Variants in RARB observed in about 807,000 individuals in gnomAD.
The protein encoded by RARB is retinoic acid receptor beta, also known as HBV-activated protein.
In RARB, 17 loss-of-function variants were observed where a neutral mutation model predicts 51.9. The ratio of observed to expected loss-of-function variants is 0.33; its 90% CI spans 0.22 to 0.49. The LOEUF is 0.49. Ranked by LOEUF, RARB falls within the 20% of genes least tolerant of loss-of-function variation. The pLI is 0.99. For missense variants in RARB, 369 were observed against 550.8 expected (o/e 0.67, Z 3.30); for synonymous variants, 215 against 195.4 (o/e 1.10, Z -0.84).
At chr3:25,434,531 TTTTTTTTTTTTTTTC>T (rs1708345707) in intron 1 of RARB, among the ~76,000 whole-genome samples, 1 of 24,144 alleles carries the variant, frequency 4.1e-5, no homozygotes, top group East Asian at 1.3e-3. Context: ...TGGTACTCCT[TTTTTTTTTTTTTTTC>T]TTTTTTTTTT....
At chr3:25,219,419 G>C (rs189104573) in intron 5 of RARB, among the ~76,000 whole-genome samples, 1 of 152,144 alleles carries the variant, frequency 6.6e-6, no homozygotes, top group African/African-American at 2.4e-5. Flanking sequence ...GAGTTCCTGC[G>C]CTTGAACCAC....
At chr3:24,987,446 T>G (rs553902292) in intron 2 of RARB, among the ~76,000 whole-genome samples, 1 of 152,348 alleles carries the variant, frequency 6.6e-6, no homozygotes, top group East Asian at 1.9e-4. Flanking sequence ...CCAGAGGGGT[T>G]GGATGAAATC....
intron 2 of RARB, among the ~76,000 whole-genome samples, chr3:24,891,676 A>T (rs1703379870): frequency 1.3e-5 from 2 of 152,162 alleles, no homozygotes; most frequent in Non-Finnish European, 2.9e-5. Context: ...AATCAGCCAA[A>T]CATGAACAGA....
rs114244058 is a variant in RARB at position 24,874,323 on chromosome 3, T to A, written c.-380+15571T>A. 9.3e-3 allele frequency among the ~76,000 whole-genome samples: 1,422 copies of A among 152,240 alleles called. 23 individuals are homozygous for A. Among genetic ancestry groups the A allele is most frequent in the African/African-American group, 0.033 (1,368 of 41,566 alleles). ...TATATACTGTTTTGTGCTAAGAATG[T>A]TGATTAAATCAACCCTATTAATTTT... is the stretch of plus-strand genomic sequence containing the variant. On this transcript the variant is annotated intron_variant, in intron 2 of 11. Transcript: ENST00000383772.
rs192240647 is a variant in RARB at position 25,008,487 on chromosome 3, C to T, written c.-379-51638C>T. Among the ~76,000 whole-genome samples, 94 of 152,162 alleles carry T rather than the reference C, an allele frequency of 6.2e-4. 2 individuals are homozygous for T. The South Asian group carries it at 0.018, about 29-fold the overall frequency. On this transcript the variant is annotated intron_variant, in intron 2 of 11. Coordinates refer to the RARB transcript ENST00000383772. Reference sequence around the variant, plus strand: ...GAAAGTTCTGCCTCTGAGTAGCTACCTTATCCTTTCAGCCTCCCCAAGAGT... The same window carrying T: ...GAAAGTTCTGCCTCTGAGTAGCTACTTTATCCTTTCAGCCTCCCCAAGAGT...
chr3:24,926,047 T>C (rs1305621169), intron 2 of RARB, among the ~76,000 whole-genome samples: 2 of 152,146 alleles, frequency 1.3e-5, no homozygotes, highest in Non-Finnish European at 2.9e-5. Flanking sequence ...GAATTTATTG[T>C]TGATAACTCA....
chr3:25,445,372 T>C (rs1708883383), intron 1 of RARB, among the ~76,000 whole-genome samples: 1 of 152,140 alleles, frequency 6.6e-6, no homozygotes, highest in Admixed American at 6.6e-5. Flanking sequence ...TTCTTCAGAA[T>C]ATCAAAGAGC....
chr3:25,331,823 T>TA (rs1438980893), intron 5 of RARB, among the ~76,000 whole-genome samples: 2 of 151,748 alleles, frequency 1.3e-5, no homozygotes, highest in Non-Finnish European at 2.9e-5. Context: ...ATAGACACAA[T>TA]AAAAAATGAT....
intron 5 of RARB, chr3:25,260,087 T>C: frequency 4.1e-6 from 3 of 739,926 alleles, no homozygotes; most frequent in Non-Finnish European, 4.9e-6. Context: ...AAGGCCCAGA[T>C]GAGTTTCAGC....
intron 2 of RARB, among the ~76,000 whole-genome samples, chr3:24,889,161 C>T (rs770426127): frequency 2.0e-5 from 3 of 152,158 alleles, no homozygotes; most frequent in Non-Finnish European, 4.4e-5. Flanking sequence ...GCAGAAATGC[C>T]ATCTCTTTTC....
intron 5 of RARB, among the ~76,000 whole-genome samples, chr3:25,201,360 A>G (rs567264915): frequency 2.6e-5 from 4 of 152,302 alleles, no homozygotes; most frequent in East Asian, 1.9e-4. Flanking sequence ...TAGATATACA[A>G]TCATGTCATC....
chr3:25,577,398 AT>A (rs1290336256), intron 4 of RARB, among the ~76,000 whole-genome samples: 1 of 152,196 alleles, frequency 6.6e-6, no homozygotes, highest in Non-Finnish European at 1.5e-5. Flanking sequence ...ATGCAAAAAC[AT>A]ACAAAATGCA....
chr3:25,071,902 C>T (rs1027335017), intron 3 of RARB, among the ~76,000 whole-genome samples: 1 of 152,166 alleles, frequency 6.6e-6, no homozygotes, highest in Non-Finnish European at 1.5e-5. Flanking sequence ...CCCAAAGATG[C>T]TTGAAAGCCC....
At chr3:25,020,179 C>T (rs977744626) in intron 2 of RARB, 1 of 150,762 alleles carries the variant, frequency 6.6e-6, no homozygotes, top group African/African-American at 2.4e-5. Context: ...GGTGGGTTCT[C>T]ACCAGGTTGC....
chr3:24,975,802 G>GGT (rs201344934), intron 2 of RARB, among the ~76,000 whole-genome samples: 2 of 151,974 alleles, frequency 1.3e-5, no homozygotes, highest in East Asian at 3.9e-4. Flanking sequence ...TAAGTTCTAG[G>GGT]GTACACGTGC....
At chr3:25,237,246 T>A (rs948022695) in intron 5 of RARB, among the ~76,000 whole-genome samples, 4 of 152,142 alleles carry the variant, frequency 2.6e-5, no homozygotes, top group African/African-American at 9.6e-5. Flanking sequence ...ACTGAGATGA[T>A]CTCATTAAAA....
rs139070808 is a variant in RARB at position 25,268,907 on chromosome 3, C to T, written c.178+94332C>T. Among the ~76,000 whole-genome samples the T allele has an allele frequency of 3.3e-5, 5 of 152,278 alleles. No individual in the cohort carries two copies. In the East Asian group the frequency reaches 7.7e-4, roughly 23 times the overall value. On this transcript the variant is annotated intron_variant, in intron 5 of 11. Coordinates refer to the RARB transcript ENST00000383772. ...TTACAGCCTGTCAAACCACCCAACA[C>T]CATAACCCATTAGAGCAGAGATTTA... is the stretch of plus-strand genomic sequence containing the variant.
chr3:25,403,480 C>G (rs1204836170), intron 5 of RARB, among the ~76,000 whole-genome samples: 3 of 152,108 alleles, frequency 2.0e-5, no homozygotes, highest in Non-Finnish European at 4.4e-5. Context: ...TGTGAAGCCA[C>G]TTGAATTTAT....
chr3:24,846,657 C>A (rs1243963507), intron 1 of RARB, among the ~76,000 whole-genome samples: 1 of 152,096 alleles, frequency 6.6e-6, no homozygotes, highest in Non-Finnish European at 1.5e-5. Context: ...TGGCTGTGTC[C>A]AGATGTCCCT....
Sources: gnomAD v4.1 joint callset for allele counts (sites outside exome capture counted in the v4.1 genomes callset) on GRCh38, gnomAD v4.1.1 for gene constraint, MANE v1.5 for transcripts, NCBI Gene and HGNC (gene_info 2026-07-23, HGNC 2026-07-21) for gene names.